The following PHIP variants were observed in gnomAD, a reference collection of about 807,000 sequenced individuals.
PHIP encodes the protein PHIP subunit of CUL4-Ring ligase complex.
A neutral mutation model predicts 236.8 loss-of-function variants in PHIP; 54 were observed. The observed-to-expected ratio is 0.23, with a 90% CI of 0.18 to 0.29. The LOEUF is 0.29. Among genes scored for constraint, PHIP ranks in the 10% least tolerant of loss-of-function variants. The pLI, the probability that PHIP is intolerant of heterozygous loss-of-function variation, is 1.00. For missense variants in PHIP, 1,370 were observed against 2,190.8 expected, an observed-to-expected ratio of 0.63 and a Z score of 7.48; for synonymous variants, 756 against 718.9, an observed-to-expected ratio of 1.05 and a Z score of -0.83.
intron 15 of PHIP, among the ~76,000 whole-genome samples, chr6:79,004,127 G>A (rs1770159652): frequency 6.6e-6 from 1 of 152,068 alleles, no homozygotes; most frequent in South Asian, 2.1e-4. Flanking sequence ...TCTGCTTCAT[G>A]TTTTAAACTC....
chr6:79,039,254 G>A lies in PHIP; in HGVS notation c.600+3589C>T, dbSNP rs74505054. Among the ~76,000 whole-genome samples, 347 of 152,216 alleles carry A rather than the reference G, an allele frequency of 2.3e-3. 1 individual carries two copies. The highest frequency in any genetic ancestry group is 7.8e-3 in the African/African-American group (323 of 41,532). On this transcript the variant is annotated intron_variant, in intron 7 of 39. Coordinates refer to ENST00000275034, the MANE Select transcript of PHIP (RefSeq NM_017934.7). ...CTTGATTTTGTACCACACCAATATC[G>A]CTAGTTCTTTATGATGAGCCATATT...
At chr6:78,978,510 T>C in intron 24 of PHIP, 82 bp downstream of exon 24, 1 of 1,129,160 alleles carries the variant, frequency 8.9e-7, no homozygotes, top group Non-Finnish European at 1.3e-6. Flanking sequence ...GCTTCTATTT[T>C]CCAGAAGTCT....
Position 78,978,666 on chromosome 6 carries a change from C to A in PHIP, c.2815G>T (p.Glu939Ter). 6.3e-7 allele frequency: 1 copy of A among 1,595,298 alleles called. No individual in the cohort carries two copies. The highest frequency in any genetic ancestry group is 8.6e-7 in the Non-Finnish European group (1 of 1,167,012). The stretch of plus-strand genomic sequence containing the variant: ...GTAATCCATGTTGATGGCAACCATT[C>A]TTCTAATGTCAAACCATTTTCAGTT... ...ELTENGLTLEEWLPSTWITDT... is the reference protein window; with the variant it reads ...ELTENGLTLE The change falls in exon 24 of 40, where the codon GAA becomes TAA. Residue 939 changes from glutamate (E) to a stop codon, truncating the protein, a stop_gained. Transcript: ENST00000275034. LOFTEE classifies it high-confidence loss of function.
Position 78,998,353 on chromosome 6 carries a change from T to C in PHIP, c.1918A>G (p.Ile640Val). The change falls in exon 18 of 40, where the codon ATC becomes GTC. Residue 640 changes from isoleucine to valine, a missense_variant. By Grantham distance (29) the Ile-to-Val change is conservative (BLOSUM62 3). Around this residue, in one of 14 missense-constraint regions of PHIP, gnomAD observed 133 missense variants for 245.2 expected, o/e 0.54. Transcript: ENST00000275034. Reference sequence around the variant, plus strand: ...TGAATCATGCTGTCCAGTGGGCTGATCTCCTGGTTTGCTTGCTGACTTAAA... The same window carrying C: ...TGAATCATGCTGTCCAGTGGGCTGACCTCCTGGTTTGCTTGCTGACTTAAA... The part of the protein sequence containing the change: ...QVLSQQANQE[I>V]SPLDSMIQRL... The C allele has an allele frequency of 6.2e-7, 1 of 1,613,708 alleles. No individual in the cohort carries two copies. The highest frequency in any genetic ancestry group is 8.5e-7 in the Non-Finnish European group (1 of 1,179,690).
chr6:78,954,919 G>GT lies in PHIP; in HGVS notation c.3947dup (p.Tyr1316Ter), dbSNP rs1582100341. ...RRRLRNRAQS[Y>*]DIQAWKKQCE... The stretch of plus-strand genomic sequence containing the variant: ...ACTGTTTCTTCCATGCTTGAATATC[G>GT]TAAGACTGGGCTCTATTACGTAATC... The change falls in exon 35 of 40, where the codon TAC (tyrosine) becomes TAAC (stop). Residue 1316 changes from tyrosine (Y) to a stop codon, truncating the protein, a stop_gained and frameshift_variant. Coordinates refer to ENST00000275034, the MANE Select transcript of PHIP (RefSeq NM_017934.7). LOFTEE classifies it high-confidence loss of function. The GT allele has an allele frequency of 1.3e-6, 2 of 1,583,030 alleles. No homozygotes were observed. The highest frequency in any genetic ancestry group is 1.2e-5 in the South Asian group (1 of 86,550).
At chr6:79,011,445 C>T (rs9448608) in intron 15 of PHIP, among the ~76,000 whole-genome samples, 1,757 of 151,904 alleles carry the variant, frequency 0.012, 42 homozygotes, top group African/African-American at 0.04. Context: ...CAAAGGCTTT[C>T]CCAATAAGTG....
Position 78,935,215 on chromosome 6 carries a change from C to T in PHIP, c.*5478G>A, listed in dbSNP as rs1179594816. On this transcript the variant is annotated 3_prime_UTR_variant, in exon 40 of 40. Coordinates refer to ENST00000275034, the MANE Select transcript of PHIP (RefSeq NM_017934.7). ...AAAGGTTATCAGGAATTTTTTTTAC[C>T]TTCCTTCCTCAACTTAGAAATTTAT... Among the ~76,000 whole-genome samples the T allele has an allele frequency of 6.6e-6, 1 of 151,976 alleles. No individual in the cohort carries two copies. The highest frequency in any genetic ancestry group is 1.5e-5 in the Non-Finnish European group (1 of 67,942).
At chr6:78,969,122 C>G (rs2127704302) in intron 27 of PHIP, among the ~76,000 whole-genome samples, 1 of 152,316 alleles carries the variant, frequency 6.6e-6, no homozygotes, top group East Asian at 1.9e-4. Flanking sequence ...TTTCTAACTT[C>G]CATGTCCATA....
chr6:78,970,314 G>A lies in PHIP; in HGVS notation c.2998-141C>T, dbSNP rs548988440. 70 of 651,196 alleles carry A rather than the reference G, an allele frequency of 1.1e-4. No homozygotes were observed. The Admixed American group carries it at 2.1e-3, about 19-fold the overall frequency. 40.3% of individuals were successfully genotyped at this position (651,196 alleles called of 1,614,324 possible). A position where few individuals can be genotyped will look rare whatever the true frequency, so the allele number is the denominator to read the frequency against. Reference sequence around the variant, plus strand: ...CTGTGTACATGTAAAAATTCACTGAGCTCTGTATTAAGATTTGTGCACTTT... The same window carrying A: ...CTGTGTACATGTAAAAATTCACTGAACTCTGTATTAAGATTTGTGCACTTT... On this transcript the variant is annotated intron_variant, in intron 25 of 39. Transcript: ENST00000275034.
chr6:78,961,302 T>TTA (rs1766759981), intron 31 of PHIP, among the ~76,000 whole-genome samples: 1 of 151,828 alleles, frequency 6.6e-6, no homozygotes, highest in Non-Finnish European at 1.5e-5. Flanking sequence ...AAAATTTTTA[T>TTA]TATATATTAT....
chr6:78,973,983 C>G lies in PHIP; in HGVS notation c.2890-3095G>C, dbSNP rs539650404. ...ACAGATCAACGAGACAGAAAGTTAA[C>G]AAGGATACCCAGGAATTGAACTCAG... On this transcript the variant is annotated intron_variant, in intron 24 of 39. Coordinates refer to ENST00000275034, the MANE Select transcript of PHIP (RefSeq NM_017934.7). 6.4e-4 allele frequency among the ~76,000 whole-genome samples: 98 copies of G among 152,250 alleles called. 1 individual carries two copies. The South Asian group carries it at 7.9e-3, about 12-fold the overall frequency.
intron 9 of PHIP, among the ~76,000 whole-genome samples, chr6:79,024,205 G>C (rs922095190): frequency 6.6e-6 from 1 of 152,132 alleles, no homozygotes; most frequent in African/African-American, 2.4e-5. Flanking sequence ...TATACATGAA[G>C]TTAAAGAAGC....
chr6:79,007,320 T>C (rs1458870896), intron 15 of PHIP, among the ~76,000 whole-genome samples: 2 of 152,070 alleles, frequency 1.3e-5, no homozygotes, highest in African/African-American at 4.8e-5. Flanking sequence ...TCTCCATCAG[T>C]AATAGGTAAA....
intron 22 of PHIP, among the ~76,000 whole-genome samples, chr6:78,984,232 A>T (rs1768726248): frequency 6.6e-6 from 1 of 152,202 alleles, no homozygotes; most frequent in South Asian, 2.1e-4. Flanking sequence ...AATAATTAAG[A>T]TGTTCTCTAG....
intron 4 of PHIP, among the ~76,000 whole-genome samples, chr6:79,069,736 G>A (rs1773795757): frequency 6.6e-6 from 1 of 152,116 alleles, no homozygotes; most frequent in East Asian, 1.9e-4. Context: ...ACTATTCTCA[G>A]AAGGACCCTT....
chr6:78,997,276 CAGT>C, intron 19 of PHIP, 135 bp downstream of exon 19: 1 of 538,580 alleles, frequency 1.9e-6, no homozygotes, highest in East Asian at 3.0e-5. Flanking sequence ...AATTTTTCTA[CAGT>C]CATGAATAGT....
At position 78,941,258 on chromosome 6, in the gene PHIP, A is replaced by G; in HGVS notation, c.4901T>C (p.Leu1634Pro). ...TTTCCTTCCAGGTCCCCTCTTCACA[A>G]GTTTTGATGGCTGTCCTCCATGGCC... is the stretch of plus-strand genomic sequence containing the variant. ...VNGHGGQPSKLVKRGPGRKPK... is the reference protein window; with the variant it reads ...VNGHGGQPSKPVKRGPGRKPK... Residue 1634 changes from leucine (L) to proline (P), a missense_variant, in exon 40 of 40, where the codon CTT becomes CCT. This residue lies in a region of PHIP where 309 missense variants were observed against 328.3 expected (regional missense o/e 0.94). Transcript: ENST00000275034. The G allele has an allele frequency of 6.2e-7, 1 of 1,613,596 alleles. No homozygotes were observed. The highest frequency in any genetic ancestry group is 8.5e-7 in the Non-Finnish European group (1 of 1,179,588).
At position 79,042,972 on chromosome 6, in the gene PHIP, C is replaced by G. The variant is rs1429780520; in HGVS notation, c.471G>C (p.Gly157=). The G allele has an allele frequency of 6.2e-7, 1 of 1,609,928 alleles. No individual in the cohort carries two copies. The highest frequency in any genetic ancestry group is 1.1e-5 in the South Asian group (1 of 90,090). The part of the protein sequence containing the change: ...ADTLFSRKLN[G]KYRLERLVPT... ...GAACAAGTCGCTCAAGTCTGTATTT[C>G]CCATTCAGCTTCCTTGAAAACAGAG... The change falls in exon 7 of 40, where the codon GGG becomes GGC. Residue 157 remains glycine (G), a synonymous_variant. Transcript: ENST00000275034.
chr6:78,955,044 T>C (rs549150592), intron 34 of PHIP, 81 bp from the exon 35 acceptor site: 7 of 1,000,658 alleles, frequency 7.0e-6, no homozygotes, highest in Non-Finnish European at 1.0e-5. Context: ...TCTTAGATAA[T>C]TGGGTAATAT....
Sources: allele counts gnomAD v4.1 joint callset (sites outside exome capture counted in the v4.1 genomes callset), GRCh38; gene constraint gnomAD v4.1.1; regional missense constraint gnomAD v4.1.1; transcripts MANE v1.5; gene names NCBI Gene and HGNC (gene_info 2026-07-23, HGNC 2026-07-21).